Variants in MYRIP observed in about 807,000 individuals in gnomAD.
MYRIP encodes the protein rab effector MyRIP.
Under a neutral mutation model 98.0 loss-of-function variants are expected in MYRIP, and 49 were observed. The ratio of observed to expected loss-of-function variants is 0.50; its 90% CI spans 0.40 to 0.63. MYRIP has a LOEUF of 0.63. Ranked by LOEUF, MYRIP falls within the 30% of genes least tolerant of loss-of-function variation. MYRIP has a pLI of 0.00. For synonymous variants in MYRIP, 404 were observed against 409.5 expected (o/e 0.99, Z 0.16); for missense variants, 1,004 against 1,058.2 (o/e 0.95, Z 0.71).
chr3:39,927,832 T>A (rs961914201), intron 2 of MYRIP, among the ~76,000 whole-genome samples: 1 of 151,956 alleles, frequency 6.6e-6, no homozygotes, highest in African/African-American at 2.4e-5. Context: ...AATATTTAAT[T>A]TACCACAATC....
chr3:40,124,283 A>T (rs912722745), intron 3 of MYRIP, among the ~76,000 whole-genome samples: 2 of 152,158 alleles, frequency 1.3e-5, no homozygotes, highest in African/African-American at 2.4e-5. Context: ...CCAAACACAG[A>T]CACAACCAAA....
chr3:40,170,408 T>C (rs980640239), intron 8 of MYRIP, among the ~76,000 whole-genome samples: 1 of 152,124 alleles, frequency 6.6e-6, no homozygotes, highest in Non-Finnish European at 1.5e-5. Flanking sequence ...TGGGGGAAAA[T>C]AGCTTTATAA....
intron 2 of MYRIP, among the ~76,000 whole-genome samples, chr3:40,036,328 T>C (rs1176312469): frequency 1.1e-5 from 1 of 88,858 alleles, no homozygotes; most frequent in African/African-American, 3.8e-5. Flanking sequence ...AAAAAAACTT[T>C]ATTCAAAATG....
chr3:40,209,808 G>A, intron 10 of MYRIP, 46 bp from the exon 11 acceptor site: 1 of 1,609,180 alleles, frequency 6.2e-7, no homozygotes, highest in Non-Finnish European at 8.5e-7. Context: ...AAGCAACATG[G>A]CTGTAGCAGA....
chr3:39,983,963 C>G (rs554844187), intron 2 of MYRIP, among the ~76,000 whole-genome samples: 43 of 151,888 alleles, frequency 2.8e-4, no homozygotes, highest in Non-Finnish European at 5.0e-4. Flanking sequence ...TCCTTTTTTG[C>G]TCTGGCTGCC....
At chr3:39,974,077 CA>C (rs576065423) in intron 2 of MYRIP, among the ~76,000 whole-genome samples, 272 of 139,690 alleles carry the variant, frequency 1.9e-3, no homozygotes, top group African/African-American at 6.3e-3. Context: ...AATAGAGACA[CA>C]AAAAACCCTA....
intron 11 of MYRIP, among the ~76,000 whole-genome samples, chr3:40,228,919 C>A (rs1952566230): frequency 6.6e-6 from 1 of 152,162 alleles, no homozygotes; most frequent in East Asian, 1.9e-4. Context: ...AGCCAGACAT[C>A]CGATTATTAG....
intron 1 of MYRIP, among the ~76,000 whole-genome samples, chr3:39,842,132 C>T (rs1457639836): frequency 6.6e-6 from 1 of 152,298 alleles, no homozygotes; most frequent in Non-Finnish European, 1.5e-5. Context: ...GGGGCTGCTG[C>T]CTTTCTTTTA....
chr3:40,242,612 A>G (rs1472122660), intron 12 of MYRIP: 2 of 152,202 alleles, frequency 1.3e-5, no homozygotes, highest in African/African-American at 2.4e-5. Context: ...TTCTGCTAAA[A>G]TCAAGGTTCC....
intron 1 of MYRIP, among the ~76,000 whole-genome samples, chr3:39,875,591 G>C (rs932621929): frequency 6.6e-6 from 1 of 151,364 alleles, no homozygotes; most frequent in Non-Finnish European, 1.5e-5. Flanking sequence ...CCTTCATTTT[G>C]TTATGTACCC....
At chr3:40,237,549 T>A (rs1374127443) in intron 12 of MYRIP, among the ~76,000 whole-genome samples, 2 of 152,200 alleles carry the variant, frequency 1.3e-5, no homozygotes, top group South Asian at 4.1e-4. Context: ...TTTATTTCTG[T>A]AGCCTAGCCC....
intron 8 of MYRIP, chr3:40,173,306 C>T (rs1260713836): frequency 6.6e-6 from 1 of 152,202 alleles, no homozygotes; most frequent in Non-Finnish European, 1.5e-5. Context: ...TGGTTCTGAG[C>T]ATTTCCTGCA....
At chr3:39,919,695 TGTG>T (rs1218187878) in intron 2 of MYRIP, among the ~76,000 whole-genome samples, 1,294 of 69,236 alleles carry the variant, frequency 0.019, 15 homozygotes, top group African/African-American at 0.09. Context: ...GTATGTGTGG[TGTG>T]TGTGTGTGTG....
chr3:40,065,464 T>A (rs564029476), intron 3 of MYRIP, among the ~76,000 whole-genome samples: 9 of 152,260 alleles, frequency 5.9e-5, no homozygotes, highest in African/African-American at 2.2e-4. Flanking sequence ...TGTGTTTTTT[T>A]AATACTTGCC....
At chr3:40,000,047 G>T in intron 2 of MYRIP, among the ~76,000 whole-genome samples, 1 of 94,668 alleles carries the variant, frequency 1.1e-5, no homozygotes, top group Non-Finnish European at 1.9e-5. Flanking sequence ...GAGGGGGGAG[G>T]GATAACAATA....
At chr3:40,212,300 T>G (rs2125670753) in intron 11 of MYRIP, among the ~76,000 whole-genome samples, 1 of 144,096 alleles carries the variant, frequency 6.9e-6, no homozygotes, top group African/African-American at 2.5e-5. Flanking sequence ...AGACTATATA[T>G]ATATGTTGGA....
intron 2 of MYRIP, among the ~76,000 whole-genome samples, chr3:40,042,288 T>TTA (rs893624751): frequency 7.1e-5 from 8 of 112,580 alleles, no homozygotes; most frequent in African/African-American, 2.7e-4. Flanking sequence ...ACTGGAAGGA[T>TTA]AAAAAAAAAA....
At chr3:40,071,362 G>C (rs776346392) in intron 3 of MYRIP, 14 of 197,928 alleles carry the variant, frequency 7.1e-5, no homozygotes, top group Non-Finnish European at 1.1e-4. Flanking sequence ...AAACAGGCGA[G>C]CTGAAAATGG....
In MYRIP at chr3:40,160,777, T is replaced by C. The variant is rs142440853; in HGVS notation, c.470-1953T>C. ...ATTTTCCAGGTGCCGTCTTTCCAGG[T>C]GCCACCCCTTTCTTTGACTAGGAAA... is the stretch of plus-strand genomic sequence containing the variant. On this transcript the variant is annotated intron_variant, in intron 4 of 16. Transcript: ENST00000302541. Among the ~76,000 whole-genome samples the C allele has an allele frequency of 8.6e-3, 1,315 of 152,070 alleles. 22 individuals are homozygous for C. The highest frequency in any genetic ancestry group is 0.03 in the African/African-American group (1,263 of 41,444).
Sources: allele counts gnomAD v4.1 joint callset (sites outside exome capture counted in the v4.1 genomes callset), GRCh38; gene constraint gnomAD v4.1.1; transcripts MANE v1.5; gene names NCBI Gene and HGNC (gene_info 2026-07-23, HGNC 2026-07-21).